TDRD9: variants seen among roughly 807,000 people sequenced by gnomAD.
TDRD9 encodes the protein ATP-dependent RNA helicase TDRD9.
Under a neutral mutation model 172.6 loss-of-function variants are expected in TDRD9, and 124 were observed. The observed-to-expected ratio is 0.72, with a 90% confidence interval of 0.62 to 0.83. The LOEUF is 0.83. Ranked by LOEUF, TDRD9 falls within the 40% of genes least tolerant of loss-of-function variation. The probability of loss-of-function intolerance (pLI) is 0.00; values close to 1 mark genes in which losing one functional copy is unlikely to be tolerated. For synonymous variants in TDRD9, 619 were observed against 617.1 expected (o/e 1.00, Z -0.05); for missense variants, 1,479 against 1,714.1 (o/e 0.86, Z 2.42).
intron 13 of TDRD9, among the ~76,000 whole-genome samples, chr14:104,000,329 CAAAAAA>C (rs60498436): frequency 3.1e-5 from 4 of 127,962 alleles, no homozygotes; most frequent in African/African-American, 1.3e-4. Flanking sequence ...AGCCCCGTCT[CAAAAAA>C]AAAAAAAAAA....
At chr14:104,032,794 G>A (rs1007058838) in intron 30 of TDRD9, among the ~76,000 whole-genome samples, 2 of 152,182 alleles carry the variant, frequency 1.3e-5, no homozygotes, top group Admixed American at 6.5e-5. Flanking sequence ...AGAGGAAGCC[G>A]GTAACTACAA....
intron 8 of TDRD9, 31 bp from the exon 9 acceptor site, chr14:103,991,129 T>G (rs2033846450): frequency 6.2e-7 from 1 of 1,613,506 alleles, no homozygotes. Context: ...TTAGCCTTCA[T>G]TAATATTTGT....
intron 7 of TDRD9, among the ~76,000 whole-genome samples, chr14:103,978,996 C>T (rs947841019): frequency 2.6e-5 from 4 of 152,182 alleles, no homozygotes; most frequent in African/African-American, 9.7e-5. Context: ...GCTTCCTCCT[C>T]CTATCTGGCT....
chr14:103,962,600 G>A (rs1218436635), intron 2 of TDRD9, among the ~76,000 whole-genome samples: 1 of 152,172 alleles, frequency 6.6e-6, no homozygotes, highest in East Asian at 1.9e-4. Flanking sequence ...AGTGAACACA[G>A]TACCCAGTAG....
chr14:104,032,819 G>T (rs2035326905), intron 30 of TDRD9, among the ~76,000 whole-genome samples: 1 of 152,120 alleles, frequency 6.6e-6, no homozygotes, highest in Admixed American at 6.5e-5. Context: ...GGGTGATAGG[G>T]CTCTTGATAA....
At chr14:103,976,043 C>T (rs79996316) in intron 7 of TDRD9, among the ~76,000 whole-genome samples, 12 of 152,234 alleles carry the variant, frequency 7.9e-5, no homozygotes, top group East Asian at 1.9e-4. Context: ...TATTTCCCCC[C>T]CTTCCCAGCC....
intron 5 of TDRD9, among the ~76,000 whole-genome samples, chr14:103,970,168 A>T (rs1380002350): frequency 6.6e-6 from 1 of 152,148 alleles, no homozygotes; most frequent in African/African-American, 2.4e-5. Context: ...GGTTGTGGCA[A>T]GGAGGGGCCA....
intron 2 of TDRD9, among the ~76,000 whole-genome samples, chr14:103,959,049 G>A (rs79721152): frequency 0.023 from 3,516 of 152,282 alleles, 76 homozygotes; most frequent in East Asian, 0.071. Context: ...TTTACAAAAA[G>A]TGCTTTGGTC....
At chr14:103,976,122 A>G (rs1360907201) in intron 7 of TDRD9, among the ~76,000 whole-genome samples, 1 of 152,040 alleles carries the variant, frequency 6.6e-6, no homozygotes. Flanking sequence ...TTTGAATGAG[A>G]ATGTGTGGTA....
At chr14:104,039,576 G>C (rs556715749) in intron 32 of TDRD9, among the ~76,000 whole-genome samples, 31 of 152,332 alleles carry the variant, frequency 2.0e-4, no homozygotes, top group African/African-American at 7.2e-4. Context: ...ATGGGGAATT[G>C]GTCGGAAAGT....
At chr14:103,968,564 A>T (rs1248849582) in intron 5 of TDRD9, among the ~76,000 whole-genome samples, 1 of 151,660 alleles carries the variant, frequency 6.6e-6, no homozygotes, top group African/African-American at 2.4e-5. Context: ...AGGTGGGCGG[A>T]TCACGAGGAT....
chr14:104,007,494 G>A (rs183896603), intron 19 of TDRD9, among the ~76,000 whole-genome samples: 150 of 152,350 alleles, frequency 9.8e-4, no homozygotes, highest in African/African-American at 3.4e-3. Context: ...GGTGTCTGCA[G>A]CCTCTTTGGC....
chr14:103,975,305 C>A, intron 6 of TDRD9, 84 bp from the exon 7 acceptor site: 1 of 1,312,268 alleles, frequency 7.6e-7, no homozygotes, highest in Non-Finnish European at 1.0e-6. Context: ...AGGAGTGAAG[C>A]AGAAGAAAAG....
intron 4 of TDRD9, 22 bp from the exon 5 acceptor site, chr14:103,966,687 C>G (rs1345516010): frequency 2.7e-6 from 4 of 1,488,456 alleles, no homozygotes; most frequent in Non-Finnish European, 3.6e-6. Flanking sequence ...TTTTCCTTTC[C>G]TTTTTCCTTC....
intron 1 of TDRD9, among the ~76,000 whole-genome samples, chr14:103,933,285 C>T (rs2030525396): frequency 6.6e-6 from 1 of 152,198 alleles, no homozygotes; most frequent in Non-Finnish European, 1.5e-5. Flanking sequence ...GATTGCAGCC[C>T]ATGGCTGGGA....
At chr14:104,036,102 T>G (rs546776356) in intron 32 of TDRD9, among the ~76,000 whole-genome samples, 1 of 152,162 alleles carries the variant, frequency 6.6e-6, no homozygotes, top group Non-Finnish European at 1.5e-5. Flanking sequence ...AATAGTATAC[T>G]TATTTTAAAT....
At chr14:104,035,816 A>G (rs1596017705) in intron 32 of TDRD9, among the ~76,000 whole-genome samples, 5 of 152,078 alleles carry the variant, frequency 3.3e-5, no homozygotes. Context: ...GGGCATGGAA[A>G]GTTACCCTTT....
intron 1 of TDRD9, among the ~76,000 whole-genome samples, chr14:103,949,920 C>T (rs1388101284): frequency 6.6e-6 from 1 of 150,994 alleles, no homozygotes; most frequent in African/African-American, 2.4e-5. Context: ...AGGTGATCCG[C>T]CCGCCTCGTC....
intron 1 of TDRD9, chr14:103,939,663 A>T (rs534021633): frequency 3.5e-5 from 5 of 143,224 alleles, no homozygotes; most frequent in African/African-American, 1.3e-4. Flanking sequence ...CGCAGGGAGA[A>T]TAAAGTTAGG....
Sources: gnomAD v4.1 joint callset for allele counts (sites outside exome capture counted in the v4.1 genomes callset) on GRCh38, gnomAD v4.1.1 for gene constraint, MANE v1.5 for transcripts, NCBI Gene and HGNC (gene_info 2026-07-23, HGNC 2026-07-21) for gene names.